The following CTHRC1 variants were observed in gnomAD, a reference collection of about 807,000 sequenced individuals.
CTHRC1 encodes the protein collagen triple helix repeat-containing protein 1.
In CTHRC1, 21 loss-of-function variants were observed where a neutral mutation model predicts 25.9. The observed-to-expected ratio is 0.81, with a 90% CI of 0.57 to 1.17. CTHRC1 has a LOEUF of 1.17. CTHRC1 is among the 50% of genes most tolerant of loss of function. The pLI, the probability that CTHRC1 is intolerant of heterozygous loss-of-function variation, is 0.00. For missense variants in CTHRC1, 281 were observed against 304.3 expected (o/e 0.92, Z 0.57); for synonymous variants, 109 against 113.1 (o/e 0.96, Z 0.23).
chr8:103,374,070 T>C (rs1322625638), intron 1 of CTHRC1, among the ~76,000 whole-genome samples: 1 of 152,230 alleles, frequency 6.6e-6, no homozygotes, highest in Admixed American at 6.5e-5. Context: ...AAATGCTTTT[T>C]CTTTTCTTTT....
At chr8:103,375,050 G>A (rs1815779864) in intron 1 of CTHRC1, among the ~76,000 whole-genome samples, 1 of 152,106 alleles carries the variant, frequency 6.6e-6, no homozygotes, top group Non-Finnish European at 1.5e-5. Flanking sequence ...ACTTGAAACT[G>A]GGTCACTTAC....
rs1815694465 is a variant in CTHRC1, at chr8:103,371,577, C to G, written c.-80C>G. The G allele has an allele frequency of 2.1e-6, 3 of 1,457,388 alleles. No homozygotes were observed. Among genetic ancestry groups the G allele is most frequent in the African/African-American group, 1.5e-5 (1 of 67,770 alleles). The allele number at this position is 1,457,388 out of a possible 1,614,324, so 90.3% of individuals were successfully genotyped here. A position where few individuals can be genotyped will look rare whatever the true frequency, so the allele number is the denominator to read the frequency against. On this transcript the variant is annotated 5_prime_UTR_variant, in exon 1 of 4. Coordinates refer to ENST00000330295, the MANE Select transcript of CTHRC1 (RefSeq NM_138455.4). Reference sequence around the variant, plus strand: ...TGCAGCCTGCGGCGGCCTCGGAGCGCGGCGGAGCCAGACGCTGACCACGTT... The same window carrying G: ...TGCAGCCTGCGGCGGCCTCGGAGCGGGGCGGAGCCAGACGCTGACCACGTT...
rs531329070 is a variant in CTHRC1, at chr8:103,373,818, T to A, written c.151-1920T>A. Among the ~76,000 whole-genome samples, 5 of 151,546 alleles carry A rather than the reference T, an allele frequency of 3.3e-5. No individual in the cohort carries two copies. In the South Asian group the frequency reaches 1.0e-3, roughly 32 times the overall value. On this transcript the variant is annotated intron_variant, in intron 1 of 3. Transcript: ENST00000330295. ...TGAGATCCACTGATATATAATGAAG[T>A]AAAATTTAGTCTGTGTAGCATCTTG...
At chr8:103,376,482 A>G (rs1815809936) in intron 2 of CTHRC1, among the ~76,000 whole-genome samples, 2 of 152,246 alleles carry the variant, frequency 1.3e-5, no homozygotes, top group African/African-American at 4.8e-5. Flanking sequence ...GTTATTCTGC[A>G]ACATTAAGGC....
chr8:103,382,329 GT>G (rs1815927595), intron 3 of CTHRC1, 128 bp from the exon 4 acceptor site: 8 of 866,298 alleles, frequency 9.2e-6, no homozygotes, highest in Admixed American at 8.6e-5. Context: ...ACCTTATCAA[GT>G]ATTAAAATTT....
chr8:103,372,460 G>A (rs1815724536), intron 1 of CTHRC1: 4 of 1,559,664 alleles, frequency 2.6e-6, no homozygotes, highest in Non-Finnish European at 3.4e-6. Flanking sequence ...AAAGGGAAAT[G>A]AAGGGGCCCG....
intron 1 of CTHRC1, chr8:103,372,695 A>G (rs539560554): frequency 9.5e-6 from 15 of 1,577,322 alleles, no homozygotes; most frequent in African/African-American, 5.4e-5. Context: ...CTAAAAATCA[A>G]CAAACCCAGT....
intron 3 of CTHRC1, 143 bp from the exon 4 acceptor site, chr8:103,382,315 A>T: frequency 3.9e-6 from 3 of 762,740 alleles, no homozygotes; most frequent in Non-Finnish European, 6.6e-6. Flanking sequence ...ACTTCATTAT[A>T]AAAACCTTAT....
chr8:103,373,216 G>C (rs1008733722), intron 1 of CTHRC1, among the ~76,000 whole-genome samples: 11 of 152,180 alleles, frequency 7.2e-5, no homozygotes, highest in African/African-American at 2.4e-4. Flanking sequence ...CACAACTCTA[G>C]CCAGACTTGG....
chr8:103,371,591 G>T lies in CTHRC1; in HGVS notation c.-66G>T. On this transcript the variant is annotated 5_prime_UTR_variant, in exon 1 of 4. Transcript: ENST00000330295. ...GCCTCGGAGCGCGGCGGAGCCAGAC[G>T]CTGACCACGTTCCTCTCCTCGGTCT... 1 of 1,504,964 alleles carries T rather than the reference G, an allele frequency of 6.6e-7. No individual in the cohort carries two copies. Among genetic ancestry groups the T allele is most frequent in the East Asian group, 2.7e-5 (1 of 37,146 alleles). The allele number at this position is 1,504,964 out of a possible 1,614,324, so 93.2% of individuals were successfully genotyped here.
In CTHRC1 at chr8:103,371,699, G is replaced by C. The variant is rs1431815926; in HGVS notation, c.43G>C (p.Gly15Arg). Reference sequence around the variant, plus strand: ...CGCCGCCTCCCCGCAGCGGCTCCGCGGCCTCCTGCTGCTCCTGCTGCTGCA... The same window carrying C: ...CGCCGCCTCCCCGCAGCGGCTCCGCCGCCTCCTGCTGCTCCTGCTGCTGCA... ...GPAASPQRLR[G>R]LLLLLLLQLP... Residue 15 changes from glycine (G) to arginine (R), a missense_variant, in exon 1 of 4, where the codon GGC (glycine) becomes CGC (arginine). Physicochemically the swap from Gly to Arg is moderately radical, Grantham distance 125. Coordinates refer to ENST00000330295, the MANE Select transcript of CTHRC1 (RefSeq NM_138455.4). 1.7e-5 allele frequency: 26 copies of C among 1,533,270 alleles called. No individual in the cohort carries two copies. The highest frequency in any genetic ancestry group is 2.3e-5 in the Non-Finnish European group (26 of 1,140,926). 95.0% of individuals were successfully genotyped at this position (1,533,270 alleles called of 1,614,324 possible).
chr8:103,381,888 C>T (rs1330022919), intron 3 of CTHRC1, among the ~76,000 whole-genome samples: 2 of 151,934 alleles, frequency 1.3e-5, no homozygotes, highest in Non-Finnish European at 2.9e-5. Flanking sequence ...GTCCCAGCTA[C>T]TCAGGAGGCT....
At chr8:103,381,480 GAGA>G (rs889771474) in intron 3 of CTHRC1, among the ~76,000 whole-genome samples, 2 of 59,320 alleles carry the variant, frequency 3.4e-5, no homozygotes, top group African/African-American at 1.3e-4. Context: ...TTTAATTTAA[GAGA>G]AGACTTTGGT....
In CTHRC1 at chr8:103,372,008, T is replaced by A. The variant is rs919061929; in HGVS notation, c.150+202T>A. Among the ~76,000 whole-genome samples the A allele has an allele frequency of 9.2e-5, 14 of 152,262 alleles. No homozygotes were observed. In the South Asian group the frequency reaches 1.2e-3, roughly 14 times the overall value. On this transcript the variant is annotated intron_variant, in intron 1 of 3. Transcript: ENST00000330295. ...TTATGCGTGCAGTGAGTCTTGGAAC[T>A]CAGAGGGGAGACCAAAATGGGAGGC...
At chr8:103,372,999 G>A (rs1032642783) in intron 1 of CTHRC1, among the ~76,000 whole-genome samples, 1 of 152,190 alleles carries the variant, frequency 6.6e-6, no homozygotes, top group African/African-American at 2.4e-5. Flanking sequence ...GTGGTAGGCT[G>A]TGTAATTTTG....
At position 103,371,642 on chromosome 8, in the gene CTHRC1, C is replaced by G. The variant is rs745635658; in HGVS notation, c.-15C>G. On this transcript the variant is annotated 5_prime_UTR_variant, in exon 1 of 4. Transcript: ENST00000330295. ...CCTCCGCCTCCAGCTCCGCGCTGCC[C>G]GGCAGCCGGGAGCCATGCGACCCCA... The G allele has an allele frequency of 5.2e-6, 8 of 1,530,470 alleles. No homozygotes were observed. The highest frequency in any genetic ancestry group is 7.0e-6 in the Non-Finnish European group (8 of 1,140,268). The allele number at this position is 1,530,470 out of a possible 1,614,324, so 94.8% of individuals were successfully genotyped here. A position where few individuals can be genotyped will look rare whatever the true frequency, so the allele number is the denominator to read the frequency against.
At chr8:103,374,401 A>T (rs1013447464) in intron 1 of CTHRC1, among the ~76,000 whole-genome samples, 1 of 152,248 alleles carries the variant, frequency 6.6e-6, no homozygotes, top group South Asian at 2.1e-4. Flanking sequence ...ACACAAATAG[A>T]GGAAATGTTA....
chr8:103,381,814 C>T (rs979318165), intron 3 of CTHRC1, among the ~76,000 whole-genome samples: 5 of 152,028 alleles, frequency 3.3e-5, no homozygotes, highest in Non-Finnish European at 7.4e-5. Flanking sequence ...CTGGCTAACA[C>T]GATGAAACTC....
At chr8:103,378,712 A>T (rs1815852750) in intron 3 of CTHRC1, among the ~76,000 whole-genome samples, 1 of 152,066 alleles carries the variant, frequency 6.6e-6, no homozygotes, top group African/African-American at 2.4e-5. Context: ...TGGCAATGGG[A>T]CTTTCGAAGT....
Sources: allele counts gnomAD v4.1 joint callset (sites outside exome capture counted in the v4.1 genomes callset), GRCh38; gene constraint gnomAD v4.1.1; transcripts MANE v1.5; gene names NCBI Gene and HGNC (gene_info 2026-07-23, HGNC 2026-07-21).